Variants in ESRRG observed in about 807,000 individuals in gnomAD.
ESRRG encodes the protein estrogen related receptor gamma, also known as estrogen-related receptor gamma.
Under a neutral mutation model 44.0 loss-of-function variants are expected in ESRRG, and 13 were observed. The observed-to-expected ratio is 0.30, with a 90% CI of 0.19 to 0.47. The LOEUF (loss-of-function observed/expected upper bound fraction) is 0.47. Ranked by LOEUF, ESRRG falls within the 20% of genes least tolerant of loss-of-function variation. ESRRG has a pLI of 1.00. For synonymous variants in ESRRG, 215 were observed against 214.6 expected, an observed-to-expected ratio of 1.00 and a Z score of -0.02; for missense variants, 395 against 580.6, an observed-to-expected ratio of 0.68 and a Z score of 3.29.
rs547286269 is a variant in ESRRG at position 216,966,961 on chromosome 1, C to T, written c.-105-27288G>A. Among the ~76,000 whole-genome samples the T allele has an allele frequency of 1.1e-3, 160 of 152,260 alleles. 1 individual carries two copies. Among genetic ancestry groups the T allele is most frequent in the African/African-American group, 3.7e-3 (152 of 41,572 alleles). On this transcript the variant is annotated intron_variant, in intron 1 of 7. Coordinates refer to the ESRRG transcript ENST00000359162. ...GCCCTACTTGCATCTCATGCCACAACCCTCAGCACTCCAGCCTTGTGTACA... is the reference window on the plus strand; with the variant it reads ...GCCCTACTTGCATCTCATGCCACAATCCTCAGCACTCCAGCCTTGTGTACA...
chr1:216,734,542 C>G (rs916688424), intron 2 of ESRRG, among the ~76,000 whole-genome samples: 2 of 152,112 alleles, frequency 1.3e-5, no homozygotes, highest in African/African-American at 4.8e-5. Flanking sequence ...TGCCTCTGCC[C>G]CTTCACCTTC....
intron 1 of ESRRG, among the ~76,000 whole-genome samples, chr1:217,009,996 G>A (rs539663657): frequency 2.6e-5 from 4 of 152,016 alleles, no homozygotes; most frequent in South Asian, 4.2e-4. Context: ...GAGCCACCGC[G>A]CCCGGCCTGA....
At chr1:216,922,473 T>C (rs998497760) in intron 2 of ESRRG, among the ~76,000 whole-genome samples, 2 of 152,200 alleles carry the variant, frequency 1.3e-5, no homozygotes, top group Admixed American at 1.3e-4. Context: ...GGCAAGTCAT[T>C]CTTTTCATCA....
intron 1 of ESRRG, among the ~76,000 whole-genome samples, chr1:217,071,033 C>T (rs971947993): frequency 3.9e-5 from 6 of 152,100 alleles, no homozygotes; most frequent in African/African-American, 1.4e-4. Context: ...CTTCCTCCTC[C>T]TCTTTCTTCT....
At chr1:216,891,951 C>T (rs1462132327) in intron 2 of ESRRG, among the ~76,000 whole-genome samples, 1 of 151,920 alleles carries the variant, frequency 6.6e-6, no homozygotes, top group East Asian at 2.0e-4. Context: ...GGACAACAGG[C>T]ATGTGCCAGC....
chr1:217,109,899 T>A (rs757307142), intron 1 of ESRRG, among the ~76,000 whole-genome samples: 14 of 152,234 alleles, frequency 9.2e-5, no homozygotes, highest in Non-Finnish European at 1.9e-4. Context: ...TTTTAATTTC[T>A]GGCTTCCAGA....
At chr1:216,707,716 A>G (rs1160456955) in intron 1 of ESRRG, among the ~76,000 whole-genome samples, 2 of 152,212 alleles carry the variant, frequency 1.3e-5, no homozygotes. Flanking sequence ...ATAGCCAAAT[A>G]CTTTTGAATG....
chr1:216,814,012 C>T lies in ESRRG; in HGVS notation c.-14+125570G>A, dbSNP rs908721976. Reference sequence around the variant, plus strand: ...TTTCCAATGCCTGCTTTCCTGCCTGCAGCACCACTAATATCCCAGGAGCTC... The same window carrying T: ...TTTCCAATGCCTGCTTTCCTGCCTGTAGCACCACTAATATCCCAGGAGCTC... On this transcript the variant is annotated intron_variant, in intron 2 of 7. Coordinates refer to the ESRRG transcript ENST00000359162. 3.6e-4 allele frequency among the ~76,000 whole-genome samples: 55 copies of T among 152,154 alleles called. 1 individual carries two copies. The highest frequency in any genetic ancestry group is 3.3e-3 in the Admixed American group (50 of 15,276).
At chr1:216,657,761 T>C (rs977121627) in intron 2 of ESRRG, among the ~76,000 whole-genome samples, 2 of 152,046 alleles carry the variant, frequency 1.3e-5, no homozygotes, top group Non-Finnish European at 2.9e-5. Context: ...ATCAAAGCAA[T>C]TTCATACACA....
upstream of ESRRG, among the ~76,000 whole-genome samples, chr1:217,094,514 T>G (rs1270284336): frequency 6.6e-6 from 1 of 152,218 alleles, no homozygotes; most frequent in Non-Finnish European, 1.5e-5. Flanking sequence ...ACTCATTGAC[T>G]TTCTCATCAG....
rs538617088 is a variant in ESRRG at position 216,738,077 on chromosome 1, T to C, written c.-13-60586A>G. The stretch of plus-strand genomic sequence containing the variant: ...TAGGATGAGATAATCTGGTTCCACT[T>C]TGGAATCACCTGGAGACTTTTTAAA... On this transcript the variant is annotated intron_variant, in intron 2 of 7. Coordinates refer to the ESRRG transcript ENST00000359162. Among the ~76,000 whole-genome samples the C allele has an allele frequency of 3.2e-3, 482 of 151,386 alleles. 4 individuals carry two copies. The highest frequency in any genetic ancestry group is 5.5e-3 in the Non-Finnish European group (376 of 67,918).
At chr1:216,732,149 TAA>T (rs66484151) in intron 2 of ESRRG, among the ~76,000 whole-genome samples, 1 of 143,596 alleles carries the variant, frequency 7.0e-6, no homozygotes. Flanking sequence ...TTTGTCAACA[TAA>T]AAAAAAAAAG....
At chr1:216,575,589 A>T (rs953410553) in intron 3 of ESRRG, among the ~76,000 whole-genome samples, 3 of 152,132 alleles carry the variant, frequency 2.0e-5, no homozygotes, top group Non-Finnish European at 4.4e-5. Flanking sequence ...TAGCAATCCT[A>T]TGAGGCAGGT....
At chr1:216,803,634 GTAT>G (rs1234818576) in intron 2 of ESRRG, among the ~76,000 whole-genome samples, 26 of 152,180 alleles carry the variant, frequency 1.7e-4, no homozygotes, top group African/African-American at 4.6e-4. Flanking sequence ...TTTTGGTGGT[GTAT>G]TCAGGGCTCT....
rs2040762813 is a variant in ESRRG at position 216,503,861 on chromosome 1, A to C, written c.*3078T>G. On this transcript the variant is annotated 3_prime_UTR_variant, in exon 7 of 7. Coordinates refer to ENST00000408911, the MANE Select transcript of ESRRG (RefSeq NM_001438.4). ...ACCTAAAAGAAGCAAAATTAAAATT[A>C]AAATCATATGGCTAAAACATACACC... is the stretch of plus-strand genomic sequence containing the variant. 6.6e-6 allele frequency: 1 copy of C among 152,598 alleles called. No homozygotes were observed. The highest frequency in any genetic ancestry group is 1.5e-5 in the Non-Finnish European group (1 of 67,996). The allele number at this position is 152,598 out of a possible 1,614,324, so 9.5% of individuals were successfully genotyped here.
At chr1:217,074,579 T>G (rs2091040795) in intron 1 of ESRRG, among the ~76,000 whole-genome samples, 1 of 152,086 alleles carries the variant, frequency 6.6e-6, no homozygotes, top group South Asian at 2.1e-4. Flanking sequence ...GGCTCATGCC[T>G]GTAATCCTAG....
intron 3 of ESRRG, among the ~76,000 whole-genome samples, chr1:216,649,433 T>G (rs898266438): frequency 1.3e-5 from 2 of 152,074 alleles, no homozygotes; most frequent in Non-Finnish European, 2.9e-5. Context: ...TGTATACACA[T>G]GTATATCCAT....
chr1:216,682,710 G>GTGTGTGTGTGTGTA (rs2077232007), intron 1 of ESRRG, among the ~76,000 whole-genome samples: 1 of 17,866 alleles, frequency 5.6e-5, no homozygotes, highest in African/African-American at 4.8e-4. Context: ...ATACTCTATA[G>GTGTGTGTGTGTGTA]TGTGTGTGTG....
chr1:216,966,772 C>T (rs2070470178), intron 1 of ESRRG, among the ~76,000 whole-genome samples: 1 of 152,158 alleles, frequency 6.6e-6, no homozygotes, highest in South Asian at 2.1e-4. Flanking sequence ...TTCCACATTG[C>T]AAATTCCACT....
Sources: gnomAD v4.1 joint callset for allele counts (sites outside exome capture counted in the v4.1 genomes callset) on GRCh38, gnomAD v4.1.1 for gene constraint, MANE v1.5 for transcripts, NCBI Gene and HGNC (gene_info 2026-07-23, HGNC 2026-07-21) for gene names.